Variants in ADAM20 observed in about 807,000 individuals in gnomAD.
ADAM20 encodes the protein ADAM metallopeptidase domain 20, also known as disintegrin and metalloproteinase domain-containing protein 20.
For synonymous variants in ADAM20, 305 were observed against 310.2 expected, an observed-to-expected ratio of 0.98 and a Z score of 0.18; for missense variants, 871 against 883.2, an observed-to-expected ratio of 0.99 and a Z score of 0.18.
At chr14:70,566,430 T>C in the ADAM20 span, among the ~76,000 whole-genome samples, 7 of 149,426 alleles carry the variant, frequency 4.7e-5, no homozygotes, top group Admixed American at 4.0e-4. Context: ...TTACAGGAGA[T>C]ACACAAAAGA....
chr14:70,532,984 A>G (rs2139540900), intron 1 of ADAM20, among the ~76,000 whole-genome samples: 1 of 152,248 alleles, frequency 6.6e-6, no homozygotes. Context: ...CAAAACCACA[A>G]AGAGATCTCA....
the ADAM20 span, among the ~76,000 whole-genome samples, chr14:70,568,132 CTGAGA>C: frequency 0.036 from 5,410 of 152,132 alleles, 288 homozygotes; most frequent in African/African-American, 0.12. Context: ...TAGTGCTAGT[CTGAGA>C]TAAGTTTCCT....
the ADAM20 span, among the ~76,000 whole-genome samples, chr14:70,566,407 G>A: frequency 4.0e-5 from 6 of 151,070 alleles, no homozygotes; most frequent in African/African-American, 1.2e-4. Flanking sequence ...ATGGTAACCA[G>A]AAAGGAAAAA....
At chr14:70,531,359 C>T (rs1883707320) in intron 1 of ADAM20, among the ~76,000 whole-genome samples, 1 of 152,024 alleles carries the variant, frequency 6.6e-6, no homozygotes, top group African/African-American at 2.4e-5. Context: ...AGAAAATGGT[C>T]TCAACATTAT....
At chr14:70,536,326 C>T (rs897785709), upstream of ADAM20, among the ~76,000 whole-genome samples, 2 of 151,292 alleles carry the variant, frequency 1.3e-5, no homozygotes, top group South Asian at 2.1e-4. Flanking sequence ...ATTAGCCAGG[C>T]GTGGTGGTGG....
rs751102782 is a variant in ADAM20, at chr14:70,524,158, C to T, written c.600G>A (p.Val200=). Residue 200 remains valine (V), a synonymous_variant, in exon 2 of 2, where the codon GTG becomes GTA. Transcript: ENST00000256389. ...YNFTLKQSSF[V]GWWTHQRFVE... ...CAAACCGCTGATGGGTCCACCAGCC[C>T]ACAAAAGAACTTTGCTTCAGAGTGA... 5 of 1,613,640 alleles carry T rather than the reference C, an allele frequency of 3.1e-6. No individual in the cohort carries two copies. The South Asian group carries it at 4.4e-5, about 14-fold the overall frequency.
At chr14:70,533,530 C>T (rs563577246) in intron 1 of ADAM20, among the ~76,000 whole-genome samples, 7 of 152,198 alleles carry the variant, frequency 4.6e-5, no homozygotes, top group Non-Finnish European at 8.8e-5. Flanking sequence ...TGCTCTCACT[C>T]ATAAGTGGGA....
the ADAM20 span, among the ~76,000 whole-genome samples, chr14:70,567,074 C>A: frequency 6.6e-6 from 1 of 152,162 alleles, no homozygotes; most frequent in Admixed American, 6.5e-5. Flanking sequence ...GTCCTCATGA[C>A]CTAGGGCAAA....
chr14:70,539,601 C>T (rs1212721589), upstream of ADAM20, among the ~76,000 whole-genome samples: 1 of 152,292 alleles, frequency 6.6e-6, no homozygotes, highest in South Asian at 2.1e-4. Context: ...TTGTTTGTAA[C>T]CAGCTTTTGC....
chr14:70,576,946 TA>T, the ADAM20 span, among the ~76,000 whole-genome samples: 1 of 152,044 alleles, frequency 6.6e-6, no homozygotes, highest in Admixed American at 6.6e-5. Context: ...TTTCCCACAG[TA>T]AATGTTCCCT....
At chr14:70,535,024 G>A (rs1311006226), upstream of ADAM20, 1 of 152,194 alleles carries the variant, frequency 6.6e-6, no homozygotes, top group East Asian at 1.9e-4. Flanking sequence ...CCATCCAATG[G>A]AGAATGGCAT....
chr14:70,558,888 C>T, the ADAM20 span, among the ~76,000 whole-genome samples: 2 of 152,184 alleles, frequency 1.3e-5, no homozygotes, highest in Non-Finnish European at 2.9e-5. Flanking sequence ...TATTCATTTG[C>T]TATTATTTTA....
At chr14:70,546,718 A>G in the ADAM20 span, among the ~76,000 whole-genome samples, 1 of 152,196 alleles carries the variant, frequency 6.6e-6, no homozygotes, top group Non-Finnish European at 1.5e-5. Context: ...GAAAATCTTC[A>G]AATAAACAAC....
At chr14:70,525,898 A>C (rs80355727) in intron 1 of ADAM20, among the ~76,000 whole-genome samples, 1,702 of 152,266 alleles carry the variant, frequency 0.011, 19 homozygotes, top group South Asian at 0.031. Context: ...CAGGGCACAC[A>C]GCCAACTAGC....
chr14:70,541,917 C>T, the ADAM20 span, among the ~76,000 whole-genome samples: 1 of 152,106 alleles, frequency 6.6e-6, no homozygotes, highest in Non-Finnish European at 1.5e-5. Context: ...TTTTGTCATC[C>T]ATAAACAATT....
chr14:70,526,656 G>A (rs1167520226), intron 1 of ADAM20, among the ~76,000 whole-genome samples: 1 of 152,132 alleles, frequency 6.6e-6, no homozygotes, highest in African/African-American at 2.4e-5. Flanking sequence ...GCCAGTCCTT[G>A]TCATCAATGC....
upstream of ADAM20, among the ~76,000 whole-genome samples, chr14:70,538,704 C>T (rs1190981632): frequency 6.6e-6 from 1 of 152,202 alleles, no homozygotes. Flanking sequence ...CACAGAACCC[C>T]TGGAATTAGA....
the ADAM20 span, among the ~76,000 whole-genome samples, chr14:70,540,886 G>A: frequency 1.3e-4 from 20 of 152,210 alleles, no homozygotes; most frequent in African/African-American, 3.6e-4. Context: ...TCCATCTCCC[G>A]GGTTCAAGAG....
At chr14:70,563,626 T>C in the ADAM20 span, among the ~76,000 whole-genome samples, 14 of 152,252 alleles carry the variant, frequency 9.2e-5, no homozygotes, top group Admixed American at 5.2e-4. Context: ...AGTCACAGGA[T>C]TGGATGTCTT....
Sources: allele counts gnomAD v4.1 joint callset (sites outside exome capture counted in the v4.1 genomes callset), GRCh38; gene constraint gnomAD v4.1.1; transcripts MANE v1.5; gene names NCBI Gene and HGNC (gene_info 2026-07-23, HGNC 2026-07-21).